The following GPM6B variants were observed in gnomAD, a reference collection of about 807,000 sequenced individuals.
GPM6B encodes neuronal membrane glycoprotein M6-b.
Under a neutral mutation model 27.2 loss-of-function variants are expected in GPM6B, and 4 were observed. The observed-to-expected ratio is 0.15, with a 90% CI of 0.07 to 0.34. The LOEUF (loss-of-function observed/expected upper bound fraction) is 0.34, where lower values mean the gene tolerates loss of function less well. Ranked by LOEUF, GPM6B falls within the 10% of genes least tolerant of loss-of-function variation. The pLI is 1.00. For missense variants in GPM6B, 183 were observed against 261.9 expected (o/e 0.70, Z 2.08); for synonymous variants, 124 against 103.1 (o/e 1.20, Z -1.23).
chrX:13,903,263 T>G (rs2050298536), intron 1 of GPM6B, among the ~76,000 whole-genome samples: 1 of 111,583 alleles, frequency 9.0e-6, no homozygotes, highest in South Asian at 3.8e-4. Flanking sequence ...AAATCTCGAT[T>G]TATACCAGGC....
At chrX:13,787,041 C>CAAAAAAA (rs869123073) in intron 2 of GPM6B, among the ~76,000 whole-genome samples, 7,709 of 24,462 alleles carry the variant, frequency 0.32, 1,557 homozygotes, top group Non-Finnish European at 0.37. Context: ...ATTAAGCCAG[C>CAAAAAAA]AAAAAAAAAA....
chrX:13,920,526 C>T (rs1189464089), intron 1 of GPM6B, among the ~76,000 whole-genome samples: 2 of 110,756 alleles, frequency 1.8e-5, no homozygotes, highest in East Asian at 5.6e-4. Flanking sequence ...AAACACGATA[C>T]GTAAACCAGC....
intron 1 of GPM6B, among the ~76,000 whole-genome samples, chrX:13,843,931 T>C (rs2049612552): frequency 8.9e-6 from 1 of 112,256 alleles, no homozygotes; most frequent in African/African-American, 3.3e-5. Context: ...ATGTATCTAT[T>C]CTTTTCCTTT....
chrX:13,881,060 T>C (rs765726927), intron 1 of GPM6B, among the ~76,000 whole-genome samples: 1 of 112,127 alleles, frequency 8.9e-6, no homozygotes, highest in East Asian at 2.8e-4. Flanking sequence ...GGAAATACCT[T>C]GTTCATTTGC....
chrX:13,822,861 T>C (rs1157198380), intron 1 of GPM6B, among the ~76,000 whole-genome samples: 1 of 112,144 alleles, frequency 8.9e-6, no homozygotes, highest in African/African-American at 3.2e-5. Flanking sequence ...TTAATAATTC[T>C]GTGATGTTAA....
chrX:13,824,242 A>G (rs970837360), intron 1 of GPM6B, among the ~76,000 whole-genome samples: 3 of 112,255 alleles, frequency 2.7e-5, no homozygotes, highest in African/African-American at 9.7e-5. Flanking sequence ...CTGGAGGGTA[A>G]TATCATCCCC....
chrX:13,844,510 T>C (rs1329216504), intron 1 of GPM6B, among the ~76,000 whole-genome samples: 1 of 112,479 alleles, frequency 8.9e-6, no homozygotes, highest in Non-Finnish European at 1.9e-5. Context: ...AAATGTCCCA[T>C]TTAACAATGT....
chrX:13,821,005 A>G (rs2049300900), upstream of GPM6B, among the ~76,000 whole-genome samples: 2 of 111,625 alleles, frequency 1.8e-5, no homozygotes, highest in Admixed American at 1.9e-4. Flanking sequence ...GGGAAATAAG[A>G]CCAAAGTGGA....
At chrX:13,808,261 A>G (rs1175589441) in intron 1 of GPM6B, among the ~76,000 whole-genome samples, 1 of 112,224 alleles carries the variant, frequency 8.9e-6, no homozygotes, top group Non-Finnish European at 1.9e-5. Context: ...TTGTCCTCCC[A>G]TTGACGTCTG....
chrX:13,773,925 C>CAAA, intron 7 of GPM6B: 1 of 551,495 alleles, frequency 1.8e-6, no homozygotes, highest in South Asian at 9.5e-5. Flanking sequence ...TGTGTTGTAC[C>CAAA]AAAAAAAAAA....
intron 1 of GPM6B, among the ~76,000 whole-genome samples, chrX:13,895,985 ACT>A (rs2050228899): frequency 1.1e-5 from 1 of 87,327 alleles, no homozygotes; most frequent in African/African-American, 4.6e-5. Context: ...TGCTAGAAAA[ACT>A]TTTTTTTTTT....
At chrX:13,852,454 G>A (rs903082722) in intron 1 of GPM6B, among the ~76,000 whole-genome samples, 2 of 111,109 alleles carry the variant, frequency 1.8e-5, no homozygotes, top group African/African-American at 6.6e-5. Context: ...TATACACAGA[G>A]TTCTCATTTC....
chrX:13,873,506 G>A (rs2050002390), intron 1 of GPM6B, among the ~76,000 whole-genome samples: 1 of 112,105 alleles, frequency 8.9e-6, no homozygotes, highest in African/African-American at 3.2e-5. Context: ...GTTGCCCAAT[G>A]TGGTGAATAG....
intron 1 of GPM6B, among the ~76,000 whole-genome samples, chrX:13,886,927 C>T (rs1191304073): frequency 9.1e-6 from 1 of 109,859 alleles, no homozygotes; most frequent in African/African-American, 3.3e-5. Context: ...AGTGATTCTC[C>T]TCCCTCAGCC....
intron 1 of GPM6B, among the ~76,000 whole-genome samples, chrX:13,841,298 A>C (rs1368187485): frequency 1.8e-5 from 2 of 111,945 alleles, no homozygotes; most frequent in Middle Eastern, 4.2e-3. Flanking sequence ...CAAAGGCATC[A>C]CTACCCTTCC....
At chrX:13,885,726 C>A (rs1026080794) in intron 1 of GPM6B, among the ~76,000 whole-genome samples, 1 of 111,403 alleles carries the variant, frequency 9.0e-6, no homozygotes. Context: ...GTGGTCCCAC[C>A]CCCCTCCATC....
At chrX:13,884,578 T>C (rs2050116391) in intron 1 of GPM6B, among the ~76,000 whole-genome samples, 1 of 112,373 alleles carries the variant, frequency 8.9e-6, no homozygotes, top group East Asian at 2.8e-4. Flanking sequence ...GACCTATCAA[T>C]CGATAATGCA....
At position 13,772,499 on chromosome X, in the gene GPM6B, C is replaced by T; in HGVS notation, c.*382G>A. The T allele has an allele frequency of 7.5e-6, 1 of 133,153 alleles. No individual in the cohort carries two copies. Among genetic ancestry groups the T allele is most frequent in the Non-Finnish European group, 1.5e-5 (1 of 66,148 alleles). The allele number at this position is 133,153 out of a possible 1,213,427, so 11.0% of individuals were successfully genotyped here. A position where few individuals can be genotyped will look rare whatever the true frequency, so the allele number is the denominator to read the frequency against. ...TATATGTGAATTTACGGTCTTATCC[C>T]TTGATGCTGGGCATGTCACAGGTCC... On this transcript the variant is annotated 3_prime_UTR_variant, in exon 8 of 8. Transcript: ENST00000316715.
At chrX:13,911,769 T>C (rs575338573) in intron 1 of GPM6B, among the ~76,000 whole-genome samples, 1 of 112,364 alleles carries the variant, frequency 8.9e-6, no homozygotes, top group African/African-American at 3.2e-5. Flanking sequence ...GTGATCTTAT[T>C]GGGTATTTGC....
Sources: allele counts gnomAD v4.1 joint callset (sites outside exome capture counted in the v4.1 genomes callset), GRCh38; gene constraint gnomAD v4.1.1; transcripts MANE v1.5; gene names NCBI Gene and HGNC (gene_info 2026-07-23, HGNC 2026-07-21).